Variants in KDM6A observed in about 807,000 individuals in gnomAD.
KDM6A encodes lysine-specific demethylase 6A.
KDM6A carries 11 observed loss-of-function variants against 117.6 expected under a neutral mutation model. The observed-to-expected ratio is 0.09, with a 90% CI of 0.06 to 0.15. The LOEUF (loss-of-function observed/expected upper bound fraction) is 0.15, where lower values mean the gene tolerates loss of function less well. Ranked by LOEUF, KDM6A falls within the 10% of genes least tolerant of loss-of-function variation. The pLI is 1.00. For missense variants in KDM6A, 799 were observed against 1,077.3 expected (o/e 0.74, Z 3.62); for synonymous variants, 384 against 396.1 (o/e 0.97, Z 0.36).
intron 2 of KDM6A, among the ~76,000 whole-genome samples, chrX:44,901,826 A>G (rs1260110845): frequency 8.9e-6 from 1 of 112,101 alleles, no homozygotes; most frequent in Non-Finnish European, 1.9e-5. Context: ...TATTTTGGTT[A>G]TTGTTTGCAT....
At chrX:45,058,025 A>G (rs1393522548) in intron 10 of KDM6A, among the ~76,000 whole-genome samples, 3 of 106,860 alleles carry the variant, frequency 2.8e-5, no homozygotes, top group Non-Finnish European at 3.9e-5. Flanking sequence ...GCAATTAGGA[A>G]TCACTAAATA....
chrX:45,103,878 G>A (rs188643922), intron 27 of KDM6A, among the ~76,000 whole-genome samples: 12 of 111,961 alleles, frequency 1.1e-4, no homozygotes, highest in Non-Finnish European at 2.3e-4. Context: ...ATCCTTAAAC[G>A]TCAAAGAATT....
At chrX:44,926,447 G>A (rs2036308329) in intron 2 of KDM6A, among the ~76,000 whole-genome samples, 1 of 111,300 alleles carries the variant, frequency 9.0e-6, no homozygotes, top group Non-Finnish European at 1.9e-5. Flanking sequence ...GCAGATTCAA[G>A]AGTTCATATA....
chrX:44,969,711 C>T (rs1420525018), intron 3 of KDM6A, among the ~76,000 whole-genome samples: 2 of 111,315 alleles, frequency 1.8e-5, no homozygotes, highest in African/African-American at 6.5e-5. Context: ...CCACTGCGCC[C>T]GGCCCTCTCT....
At chrX:44,922,334 G>T (rs1569437415) in intron 2 of KDM6A, among the ~76,000 whole-genome samples, 1 of 109,147 alleles carries the variant, frequency 9.2e-6, no homozygotes, top group Non-Finnish European at 1.9e-5. Context: ...GCCTCATTGT[G>T]ATTTTAATTG....
At chrX:44,944,290 T>A (rs1422905749) in intron 2 of KDM6A, among the ~76,000 whole-genome samples, 1 of 111,640 alleles carries the variant, frequency 9.0e-6, no homozygotes, top group African/African-American at 3.3e-5. Flanking sequence ...AGGTGGAGGT[T>A]GCAGTGAGCC....
chrX:45,010,884 C>T (rs2041723372), intron 4 of KDM6A, 77 bp from the exon 5 acceptor site: 1 of 737,773 alleles, frequency 1.4e-6, no homozygotes, highest in Non-Finnish European at 2.1e-6. Flanking sequence ...ATCTTGGATA[C>T]CGTATTTTAC....
intron 4 of KDM6A, among the ~76,000 whole-genome samples, chrX:45,009,836 A>G (rs956070632): frequency 9.0e-6 from 1 of 111,631 alleles, no homozygotes; most frequent in East Asian, 2.8e-4. Flanking sequence ...CTTTATTGGC[A>G]TACTTTCCTT....
At chrX:44,974,333 C>G (rs774548333) in intron 3 of KDM6A, among the ~76,000 whole-genome samples, 73 of 111,175 alleles carry the variant, frequency 6.6e-4, no homozygotes, top group Non-Finnish European at 1.1e-3. Context: ...TCTAGCTGAT[C>G]AGAAAAATAT....
At chrX:44,892,278 G>A (rs2033427091) in intron 2 of KDM6A, among the ~76,000 whole-genome samples, 1 of 112,187 alleles carries the variant, frequency 8.9e-6, no homozygotes, top group East Asian at 2.8e-4. Flanking sequence ...GGATTTCGAG[G>A]CCGGGTACGG....
At chrX:45,061,975 GTTTTC>G (rs2044323216) in intron 15 of KDM6A, among the ~76,000 whole-genome samples, 2 of 108,790 alleles carry the variant, frequency 1.8e-5, no homozygotes, top group Non-Finnish European at 3.8e-5. Context: ...ATAGGGTAAA[GTTTTC>G]TTCTAACTCT....
chrX:44,891,490 G>A (rs1387392646), intron 2 of KDM6A, among the ~76,000 whole-genome samples: 1 of 111,842 alleles, frequency 8.9e-6, no homozygotes, highest in Non-Finnish European at 1.9e-5. Context: ...ATTTGTCTAC[G>A]TGCTTATTCC....
chrX:44,984,243 CTTG>C (rs2147329383), intron 4 of KDM6A, among the ~76,000 whole-genome samples: 1 of 111,180 alleles, frequency 9.0e-6, no homozygotes, highest in South Asian at 3.8e-4. Flanking sequence ...CCTTCACCCA[CTTG>C]TTGATGGGGT....
chrX:45,070,455 A>C (rs1458407662), intron 18 of KDM6A, 98 bp downstream of exon 18: 1 of 749,273 alleles, frequency 1.3e-6, no homozygotes, highest in Non-Finnish European at 2.0e-6. Flanking sequence ...AAGTAAGCAA[A>C]AGATGGTGTA....
intron 24 of KDM6A, 68 bp downstream of exon 24, chrX:45,083,676 A>G: frequency 1.0e-6 from 1 of 952,531 alleles, no homozygotes; most frequent in South Asian, 2.0e-5. Flanking sequence ...ACATGCAAAG[A>G]CAGCCAGAAT....
chrX:44,918,336 T>C (rs774914148), intron 2 of KDM6A, among the ~76,000 whole-genome samples: 1 of 111,561 alleles, frequency 9.0e-6, no homozygotes, highest in Non-Finnish European at 1.9e-5. Context: ...TGCTACTTCA[T>C]TCACCTATAG....
intron 4 of KDM6A, among the ~76,000 whole-genome samples, chrX:44,995,621 C>T (rs1231464874): frequency 9.1e-6 from 1 of 110,143 alleles, no homozygotes; most frequent in East Asian, 2.8e-4. Flanking sequence ...AAGGCTACCA[C>T]ACCAGGCTAA....
chrX:44,887,762 C>G (rs1422347366), intron 2 of KDM6A, among the ~76,000 whole-genome samples: 1 of 111,006 alleles, frequency 9.0e-6, no homozygotes, highest in African/African-American at 3.3e-5. Flanking sequence ...CTAGGAAGAA[C>G]AATAGATTGG....
intron 2 of KDM6A, among the ~76,000 whole-genome samples, chrX:44,898,011 A>G (rs2034031144): frequency 9.0e-6 from 1 of 111,704 alleles, no homozygotes; most frequent in African/African-American, 3.3e-5. Flanking sequence ...GCCTTAATGC[A>G]GACTGGTGGG....
Sources: gnomAD v4.1 joint callset for allele counts (sites outside exome capture counted in the v4.1 genomes callset) on GRCh38, gnomAD v4.1.1 for gene constraint, MANE v1.5 for transcripts, NCBI Gene and HGNC (gene_info 2026-07-23, HGNC 2026-07-21) for gene names.